Variants in PLTP observed in about 807,000 individuals in gnomAD.
The protein encoded by PLTP is BPI fold containing family E.
PLTP carries 43 observed loss-of-function variants against 54.1 expected under a neutral mutation model. The ratio of observed to expected loss-of-function variants is 0.79; its 90% CI spans 0.62 to 1.02. The LOEUF is 1.02. PLTP is among the 50% of genes least tolerant of loss of function. The pLI, the probability that PLTP is intolerant of heterozygous loss-of-function variation, is 0.00. For missense variants in PLTP, 604 were observed against 645.9 expected, an observed-to-expected ratio of 0.94 and a Z score of 0.70; for synonymous variants, 263 against 264.6, an observed-to-expected ratio of 0.99 and a Z score of 0.06.
chr20:45,905,039 C>T lies in PLTP; in HGVS notation c.785G>A (p.Arg262Gln), dbSNP rs146481282. The change falls in exon 9 of 16, where the codon CGG (arginine) becomes CAG (glutamine). Residue 262 changes from arginine to glutamine, a missense_variant. Arg to Gln is a conservative substitution (Grantham distance 43, BLOSUM62 1). Transcript: ENST00000372431. ...CTCAGAGAAGGCCACATACACCATC[C>T]GCTCTTCCTCCTGCAGCTGGGGCTC... ...AVEPQLQEEE[R>Q]MVYVAFSEFF... 3.8e-5 allele frequency: 62 copies of T among 1,614,102 alleles called. No homozygotes were observed. Among genetic ancestry groups the T allele is most frequent in the Middle Eastern group, 1.6e-4 (1 of 6,084 alleles).
intron 1 of PLTP, 160 bp from the exon 2 acceptor site, chr20:45,911,623 CTG>C: frequency 2.0e-6 from 2 of 985,460 alleles, no homozygotes; most frequent in East Asian, 5.3e-5. Flanking sequence ...GATGTGGAAA[CTG>C]AGGCTCAGAG....
rs555959544 is a variant in PLTP at position 45,911,845 on chromosome 20, G to A, written c.-12+234C>T. ...ACGACTGCACGCGCATTCTTGGAGG[G>A]TGGCTTGCGGTCTCCTAGGCCTCGC... On this transcript the variant is annotated intron_variant, in intron 1 of 15. Coordinates refer to ENST00000372431, the MANE Select transcript of PLTP (RefSeq NM_006227.4). The A allele has an allele frequency of 1.2e-3, 387 of 334,588 alleles. 1 individual carries two copies. The highest frequency in any genetic ancestry group is 7.8e-3 in the African/African-American group (366 of 47,014). The allele number at this position is 334,588 out of a possible 1,614,324, so 20.7% of individuals were successfully genotyped here. A position where few individuals can be genotyped will look rare whatever the true frequency, so the allele number is the denominator to read the frequency against.
At chr20:45,911,509 C>A (rs757464351) in intron 1 of PLTP, 46 bp from the exon 2 acceptor site, 3 of 1,597,858 alleles carry the variant, frequency 1.9e-6, no homozygotes, top group Non-Finnish European at 2.5e-6. Flanking sequence ...CCGCTTAAAC[C>A]CATTCCTTGG....
chr20:45,903,505 C>T (rs1333664451), intron 10 of PLTP, among the ~76,000 whole-genome samples: 1 of 151,844 alleles, frequency 6.6e-6, no homozygotes, highest in Non-Finnish European at 1.5e-5. Context: ...GTTGGGATTA[C>T]AGGCGTGAGC....
chr20:45,909,930 C>CT lies in PLTP; in HGVS notation c.329+11dup. On this transcript the variant is annotated intron_variant, in intron 4 of 15. Coordinates refer to ENST00000372431, the MANE Select transcript of PLTP (RefSeq NM_006227.4). ...CCCACTCTCCACTCCCCTGAGGGTG[C>CT]TGGGTCCTTACAAGAACCAGTAGAG... The CT allele has an allele frequency of 1.2e-6, 2 of 1,613,892 alleles. No individual in the cohort carries two copies. Among genetic ancestry groups the CT allele is most frequent in the Non-Finnish European group, 1.7e-6 (2 of 1,179,906 alleles).
In PLTP at chr20:45,908,626, C is replaced by G. The variant is rs140939883; in HGVS notation, c.486-722G>C. Among the ~76,000 whole-genome samples the G allele has an allele frequency of 8.7e-4, 132 of 152,114 alleles. 1 individual carries two copies. Among genetic ancestry groups the G allele is most frequent in the African/African-American group, 3.0e-3 (126 of 41,506 alleles). On this transcript the variant is annotated intron_variant, in intron 5 of 15. Coordinates refer to ENST00000372431, the MANE Select transcript of PLTP (RefSeq NM_006227.4). ...ACCAGCGTGGCCAATATGGCGAAAC[C>G]CTGTCTCTACTAAAAATACAAAAAA... is the stretch of plus-strand genomic sequence containing the variant.
At chr20:45,908,024 A>G (rs2083257627) in intron 5 of PLTP, 120 bp from the exon 6 acceptor site, 3 of 884,404 alleles carry the variant, frequency 3.4e-6, no homozygotes, top group Non-Finnish European at 5.4e-6. Flanking sequence ...AGCCTGAATA[A>G]CAGCTCCTCC....
chr20:45,905,308 C>T (rs1190324424), intron 8 of PLTP, among the ~76,000 whole-genome samples, 190 bp from the exon 9 acceptor site: 1 of 152,166 alleles, frequency 6.6e-6, no homozygotes, highest in Non-Finnish European at 1.5e-5. Flanking sequence ...AGGGGGCGAG[C>T]CCGTCAGACT....
chr20:45,902,681 G>A lies in PLTP; in HGVS notation c.943-77C>T, dbSNP rs1258607597. ...CCCCCAGGGAAGAAGGGGAAGGAAGGCAGGTGCAGCTTCTGTCCTCTGGGG... is the reference window on the plus strand; with the variant it reads ...CCCCCAGGGAAGAAGGGGAAGGAAGACAGGTGCAGCTTCTGTCCTCTGGGG... On this transcript the variant is annotated intron_variant, in intron 10 of 15. Transcript: ENST00000372431. 24 of 1,441,910 alleles carry A rather than the reference G, an allele frequency of 1.7e-5. No individual in the cohort carries two copies. In the East Asian group the frequency reaches 6.0e-4, roughly 36 times the overall value. 89.3% of individuals were successfully genotyped at this position (1,441,910 alleles called of 1,614,324 possible). A position where few individuals can be genotyped will look rare whatever the true frequency, so the allele number is the denominator to read the frequency against.
At position 45,902,329 on chromosome 20, in the gene PLTP, G is replaced by T; in HGVS notation, c.1113C>A (p.Ala371=). ...EVQLSSMTMD[A]RLSAKMALRG... ...GGAGAGCCATCTTGGCGCTGAGACG[G>T]GCGTCCTGCAGGAACATGGGGAGGA... The change falls in exon 12 of 16, where the codon GCC becomes GCA. Residue 371 remains alanine (A), a synonymous_variant. Transcript: ENST00000372431. The T allele has an allele frequency of 6.2e-7, 1 of 1,614,168 alleles. No individual in the cohort carries two copies. The highest frequency in any genetic ancestry group is 1.1e-5 in the South Asian group (1 of 91,086).
At chr20:45,911,674 G>T (rs1303223596) in intron 1 of PLTP, 11 of 652,906 alleles carry the variant, frequency 1.7e-5, no homozygotes, top group Non-Finnish European at 1.0e-5. Flanking sequence ...AGAGGATTTG[G>T]GACACGGGGG....
intron 12 of PLTP, among the ~76,000 whole-genome samples, chr20:45,901,665 G>T (rs999308269): frequency 1.3e-5 from 2 of 152,064 alleles, no homozygotes; most frequent in African/African-American, 4.8e-5. Context: ...ACTTTGGGAG[G>T]CCGGGGCAGG....
rs1162508117 is a variant in PLTP, at chr20:45,909,499, T to G, written c.485+17A>C. On this transcript the variant is annotated intron_variant, in intron 5 of 15. Coordinates refer to ENST00000372431, the MANE Select transcript of PLTP (RefSeq NM_006227.4). The stretch of plus-strand genomic sequence containing the variant: ...GGGGCTCGAAAAGGGTGAGCTGGGG[T>G]TGGGGCTGGGGCTTACTTGAAGGTT... The G allele has an allele frequency of 5.6e-6, 9 of 1,613,658 alleles. No individual in the cohort carries two copies. In the South Asian group the frequency reaches 9.9e-5, roughly 18 times the overall value.
chr20:45,907,829 C>A lies in PLTP; in HGVS notation c.549+12G>T. The A allele has an allele frequency of 6.2e-7, 1 of 1,603,752 alleles. No homozygotes were observed. Among genetic ancestry groups the A allele is most frequent in the Non-Finnish European group, 8.5e-7 (1 of 1,175,760 alleles). On this transcript the variant is annotated intron_variant, in intron 6 of 15. Transcript: ENST00000372431. ...CCACCCTTGCCACCCTGCGACCTGT[C>A]GCTGCCCACACCTGCTGGTTGAGGA... is the stretch of plus-strand genomic sequence containing the variant.
At chr20:45,908,566 G>A (rs1462318937) in intron 5 of PLTP, among the ~76,000 whole-genome samples, 2 of 152,136 alleles carry the variant, frequency 1.3e-5, no homozygotes, top group Non-Finnish European at 2.9e-5. Context: ...TTGGTAGGCC[G>A]AGGCGGACAG....
intron 8 of PLTP, among the ~76,000 whole-genome samples, chr20:45,905,934 A>T (rs896632579): frequency 8.5e-5 from 13 of 152,192 alleles, no homozygotes; most frequent in African/African-American, 2.2e-4. Flanking sequence ...GATTATTTGT[A>T]TAGAAATTTA....
At chr20:45,910,370 C>T (rs1182782947) in intron 3 of PLTP, among the ~76,000 whole-genome samples, 2 of 152,100 alleles carry the variant, frequency 1.3e-5, no homozygotes, top group African/African-American at 4.8e-5. Flanking sequence ...AATCCCAGCA[C>T]TTTAGGAGGC....
At chr20:45,906,414 AACC>A in intron 7 of PLTP, 55 bp from the exon 8 acceptor site, 1 of 1,381,416 alleles carries the variant, frequency 7.2e-7, no homozygotes, top group Non-Finnish European at 1.0e-6. Context: ...TAAGGTGCTT[AACC>A]TCTCCAGGCT....
In PLTP at chr20:45,898,761, G is replaced by A; in HGVS notation, c.*180C>T. On this transcript the variant is annotated 3_prime_UTR_variant, in exon 16 of 16. Transcript: ENST00000372431. This position sits in a 1 kb window ranked among gnomAD's most constrained non-coding sequence, Gnocchi z 4.6. ...AGAGCTCAGGACAGCCCACAGGGAG[G>A]TGGTGGACGGACTGTAATTGATAGA... The A allele has an allele frequency of 2.7e-6, 2 of 751,764 alleles. No homozygotes were observed. The highest frequency in any genetic ancestry group is 4.3e-6 in the Non-Finnish European group (2 of 466,438). 46.6% of individuals were successfully genotyped at this position (751,764 alleles called of 1,614,324 possible).
Sources: allele counts gnomAD v4.1 joint callset (sites outside exome capture counted in the v4.1 genomes callset), GRCh38; gene constraint gnomAD v4.1.1; non-coding constraint Gnocchi (gnomAD v3.1); transcripts MANE v1.5; gene names NCBI Gene and HGNC (gene_info 2026-07-23, HGNC 2026-07-21).